The following NR1H4 variants were observed in gnomAD, a reference collection of about 807,000 sequenced individuals.
The protein encoded by NR1H4 is nuclear receptor subfamily 1 group H member 4.
In NR1H4, 23 loss-of-function variants were observed where a neutral mutation model predicts 58.5. That is an observed-to-expected ratio of 0.39 (90% CI 0.28 to 0.56). The LOEUF is 0.56. NR1H4 is among the 20% of genes least tolerant of loss of function. NR1H4 has a pLI of 0.58. For synonymous variants in NR1H4, 214 were observed against 198.0 expected (o/e 1.08, Z -0.68); for missense variants, 487 against 576.9 (o/e 0.84, Z 1.60).
chr12:100,499,913 T>C (rs747890926), intron 3 of NR1H4: 16 of 456,076 alleles, frequency 3.5e-5, no homozygotes, highest in South Asian at 2.5e-4. Context: ...ACAAATTCCT[T>C]AACTTTGCAC....
intron 4 of NR1H4, among the ~76,000 whole-genome samples, chr12:100,523,024 C>T (rs1347931769): frequency 1.3e-5 from 2 of 152,114 alleles, no homozygotes; most frequent in Non-Finnish European, 2.9e-5. Context: ...CATACATATG[C>T]ATGTGTCTTT....
intron 4 of NR1H4, among the ~76,000 whole-genome samples, chr12:100,518,761 T>A (rs2136189512): frequency 6.6e-6 from 1 of 152,090 alleles, no homozygotes; most frequent in East Asian, 1.9e-4. Flanking sequence ...TGGCTGCAGT[T>A]TGCTGAACAC....
At chr12:100,487,994 T>C (rs534943439) in intron 1 of NR1H4, among the ~76,000 whole-genome samples, 5 of 151,900 alleles carry the variant, frequency 3.3e-5, no homozygotes, top group African/African-American at 1.2e-4. Context: ...CCTGACAATG[T>C]TGTTTTCCTT....
In NR1H4 at chr12:100,563,367, C is replaced by T. The variant is rs1215325095; in HGVS notation, c.1309C>T (p.Leu437Phe). Residue 437 changes from leucine (L) to phenylalanine (F), a missense_variant, in exon 11 of 11, where the codon CTC becomes TTC. By Grantham distance (22) the Leu-to-Phe change is conservative (BLOSUM62 0). Transcript: ENST00000392986. ...QPENPQHFACLLGRLTELRTF... is the reference protein window; with the variant it reads ...QPENPQHFACFLGRLTELRTF... ...TGAAAATCCTCAACACTTTGCCTGT[C>T]TCCTGGGTCGCCTGACTGAATTACG... 2 of 1,614,030 alleles carry T rather than the reference C, an allele frequency of 1.2e-6. No homozygotes were observed. Among genetic ancestry groups the T allele is most frequent in the Non-Finnish European group, 1.7e-6 (2 of 1,180,044 alleles).
At chr12:100,486,843 A>T (rs1250400961) in intron 1 of NR1H4, among the ~76,000 whole-genome samples, 2 of 152,190 alleles carry the variant, frequency 1.3e-5, no homozygotes, top group African/African-American at 4.8e-5. Flanking sequence ...CATAAACTAA[A>T]AATAAGAAGC....
chr12:100,563,539 C>A lies in NR1H4; in HGVS notation c.*50C>A. On this transcript the variant is annotated 3_prime_UTR_variant, in exon 11 of 11. Transcript: ENST00000392986. Reference sequence around the variant, plus strand: ...GCTCCTTTTTCTCTCTCATATTAATCTGATGTATAACTTTCCTTTATTTCA... The same window carrying A: ...GCTCCTTTTTCTCTCTCATATTAATATGATGTATAACTTTCCTTTATTTCA... The A allele has an allele frequency of 2.2e-6, 3 of 1,365,298 alleles. No homozygotes were observed. The highest frequency in any genetic ancestry group is 3.1e-6 in the Non-Finnish European group (3 of 953,072). The allele number at this position is 1,365,298 out of a possible 1,614,324, so 84.6% of individuals were successfully genotyped here.
chr12:100,534,557 A>G (rs572226156), intron 5 of NR1H4, among the ~76,000 whole-genome samples: 1 of 152,314 alleles, frequency 6.6e-6, no homozygotes, highest in East Asian at 1.9e-4. Context: ...CAATGCTTTC[A>G]TATCACAAGT....
chr12:100,505,286 T>C (rs1000409524), intron 3 of NR1H4, among the ~76,000 whole-genome samples: 1 of 152,210 alleles, frequency 6.6e-6, no homozygotes, highest in Non-Finnish European at 1.5e-5. Flanking sequence ...TGATTTCCCA[T>C]TTGGGGGTAC....
intron 9 of NR1H4, among the ~76,000 whole-genome samples, chr12:100,554,656 T>A (rs1203187052): frequency 6.6e-6 from 1 of 152,168 alleles, no homozygotes; most frequent in Non-Finnish European, 1.5e-5. Context: ...TTTTCAGACT[T>A]TTCCATGGCA....
chr12:100,549,195 G>T (rs568294487), intron 9 of NR1H4, among the ~76,000 whole-genome samples: 2 of 151,534 alleles, frequency 1.3e-5, no homozygotes, highest in African/African-American at 4.8e-5. Context: ...AAAATTAGCC[G>T]GGCATGGTGG....
chr12:100,508,833 T>C (rs746420549), intron 3 of NR1H4, among the ~76,000 whole-genome samples: 1 of 152,232 alleles, frequency 6.6e-6, no homozygotes, highest in Non-Finnish European at 1.5e-5. Flanking sequence ...TCTAAAAGTT[T>C]GGCACACACT....
intron 1 of NR1H4, among the ~76,000 whole-genome samples, chr12:100,476,255 C>T (rs1023571424): frequency 6.6e-6 from 1 of 152,088 alleles, no homozygotes; most frequent in Non-Finnish European, 1.5e-5. Context: ...GGGGGACCAG[C>T]CGTTAAGCAT....
intron 3 of NR1H4, among the ~76,000 whole-genome samples, chr12:100,500,361 A>G (rs1953806973): frequency 6.6e-6 from 1 of 152,170 alleles, no homozygotes; most frequent in African/African-American, 2.4e-5. Context: ...TGAGAGGTAC[A>G]ACATTCACAG....
intron 1 of NR1H4, among the ~76,000 whole-genome samples, chr12:100,482,815 T>C (rs1953409544): frequency 6.6e-6 from 1 of 152,180 alleles, no homozygotes. Context: ...AGGTGCTTCT[T>C]CTACATCTAG....
At chr12:100,547,067 T>C (rs1014105420) in intron 9 of NR1H4, among the ~76,000 whole-genome samples, 5 of 152,172 alleles carry the variant, frequency 3.3e-5, no homozygotes, top group Admixed American at 2.0e-4. Flanking sequence ...CTTATACTTA[T>C]GGAAAATTGT....
chr12:100,562,048 T>G lies in NR1H4; in HGVS notation c.1192+50T>G, dbSNP rs774243581. The G allele has an allele frequency of 9.1e-6, 8 of 883,040 alleles. No individual in the cohort carries two copies. The African/African-American group carries it at 1.3e-4, about 15-fold the overall frequency. 54.7% of individuals were successfully genotyped at this position (883,040 alleles called of 1,614,324 possible). On this transcript the variant is annotated intron_variant, in intron 10 of 10. Transcript: ENST00000392986. ...TTTTATGCCATTTTTTTCAGTATAC[T>G]AGTAATAACGTTTATTGAAAAAAAT...
intron 3 of NR1H4, among the ~76,000 whole-genome samples, chr12:100,496,632 C>T (rs1953720611): frequency 6.6e-6 from 1 of 152,152 alleles, no homozygotes; most frequent in South Asian, 2.1e-4. Flanking sequence ...ACATTTGAGT[C>T]CACAAAAATG....
At chr12:100,506,311 T>C (rs1953964364) in intron 3 of NR1H4, among the ~76,000 whole-genome samples, 1 of 152,162 alleles carries the variant, frequency 6.6e-6, no homozygotes, top group Non-Finnish European at 1.5e-5. Flanking sequence ...ATAGGAGAGA[T>C]TGAAATAGGA....
At chr12:100,493,613 G>T (rs945432221) in intron 3 of NR1H4, among the ~76,000 whole-genome samples, 30 of 152,174 alleles carry the variant, frequency 2.0e-4, no homozygotes, top group African/African-American at 7.0e-4. Flanking sequence ...TATAGATGAG[G>T]ACTGCAAAAG....
Sources: gnomAD v4.1 joint callset for allele counts (sites outside exome capture counted in the v4.1 genomes callset) on GRCh38, gnomAD v4.1.1 for gene constraint, MANE v1.5 for transcripts, NCBI Gene and HGNC (gene_info 2026-07-23, HGNC 2026-07-21) for gene names.